CSMD3: variants seen among roughly 807,000 people sequenced by gnomAD.
CSMD3 encodes CUB and sushi domain-containing protein 3.
A neutral mutation model predicts 435.2 loss-of-function variants in CSMD3; 177 were observed. The observed-to-expected ratio is 0.41, with a 90% CI of 0.36 to 0.46. The LOEUF (loss-of-function observed/expected upper bound fraction) is 0.46. CSMD3 is among the 20% of genes least tolerant of loss of function. CSMD3 has a pLI of 0.34. For missense variants in CSMD3, 4,265 were observed against 4,504.6 expected, an observed-to-expected ratio of 0.95 and a Z score of 1.52; for synonymous variants, 1,656 against 1,520.5, an observed-to-expected ratio of 1.09 and a Z score of -2.07.
intron 5 of CSMD3, among the ~76,000 whole-genome samples, chr8:113,083,806 A>G (rs1270088077): frequency 3.3e-5 from 5 of 152,082 alleles, no homozygotes; most frequent in African/African-American, 1.2e-4. Flanking sequence ...CTCTGTCTCT[A>G]TAAAACATTT....
chr8:112,552,783 A>G lies in CSMD3; in HGVS notation c.4235-63T>C. The stretch of plus-strand genomic sequence containing the variant: ...TGCCAATCTTTTCAAAACAATCTAC[A>G]AATTTCTCATGAGTAGACAAAAGAA... On this transcript the variant is annotated intron_variant, in intron 25 of 70. Coordinates refer to ENST00000297405, the MANE Select transcript of CSMD3 (RefSeq NM_198123.2). The G allele has an allele frequency of 3.4e-6, 5 of 1,481,316 alleles. No individual in the cohort carries two copies. In the South Asian group the frequency reaches 4.6e-5, roughly 13 times the overall value. 91.8% of individuals were successfully genotyped at this position (1,481,316 alleles called of 1,614,324 possible).
At position 112,503,980 on chromosome 8, in the gene CSMD3, G is replaced by GA. The variant is rs569881974; in HGVS notation, c.4896-4dup. The GA allele has an allele frequency of 1.2e-3, 1,675 of 1,420,718 alleles. No individual in the cohort carries two copies. The highest frequency in any genetic ancestry group is 3.1e-3 in the East Asian group (127 of 41,290). 88.0% of individuals were successfully genotyped at this position (1,420,718 alleles called of 1,614,324 possible). A position where few individuals can be genotyped will look rare whatever the true frequency, so the allele number is the denominator to read the frequency against. ...CATAGTTTGGTTCTATGCTAAAACT[G>GA]AAAAAAAAAAGGAAAGAACAAAAGA... On this transcript the variant is annotated splice_polypyrimidine_tract_variant and splice_region_variant and intron_variant, in intron 29 of 70. Coordinates refer to ENST00000297405, the MANE Select transcript of CSMD3 (RefSeq NM_198123.2).
intron 1 of CSMD3, among the ~76,000 whole-genome samples, chr8:113,391,520 T>C (rs1322808193): frequency 3.9e-5 from 6 of 151,962 alleles, no homozygotes; most frequent in African/African-American, 1.4e-4. Context: ...CATTAAGAAA[T>C]TATGGAAAGT....
At chr8:112,557,836 T>A (rs929588247) in intron 24 of CSMD3, among the ~76,000 whole-genome samples, 1 of 151,966 alleles carries the variant, frequency 6.6e-6, no homozygotes, top group Non-Finnish European at 1.5e-5. Flanking sequence ...TTTGTGAGCA[T>A]TCTAGCAAAT....
intron 31 of CSMD3, among the ~76,000 whole-genome samples, chr8:112,488,984 T>A (rs988541488): frequency 1.3e-5 from 2 of 152,188 alleles, no homozygotes; most frequent in South Asian, 2.1e-4. Context: ...GCTACTTTTT[T>A]ATTATTTTCT....
At chr8:112,870,096 T>C (rs1399066644) in intron 10 of CSMD3, among the ~76,000 whole-genome samples, 1 of 152,140 alleles carries the variant, frequency 6.6e-6, no homozygotes, top group Non-Finnish European at 1.5e-5. Flanking sequence ...TTTTCAATTA[T>C]TTATTTATAA....
intron 10 of CSMD3, among the ~76,000 whole-genome samples, chr8:112,883,520 A>C (rs1331758951): frequency 6.6e-6 from 1 of 151,974 alleles, no homozygotes; most frequent in African/African-American, 2.4e-5. Context: ...CCAACTTATT[A>C]ATTTTATTCT....
chr8:113,007,892 T>C (rs557820896), intron 6 of CSMD3, among the ~76,000 whole-genome samples: 2 of 152,034 alleles, frequency 1.3e-5, no homozygotes, highest in South Asian at 4.1e-4. Flanking sequence ...TATAATGGAA[T>C]GTATAAAATT....
intron 58 of CSMD3, among the ~76,000 whole-genome samples, chr8:112,284,993 A>G (rs1236115349): frequency 6.6e-6 from 1 of 151,886 alleles, no homozygotes; most frequent in Non-Finnish European, 1.5e-5. Flanking sequence ...AATTTTTTCT[A>G]TAGGTTACAG....
chr8:112,476,291 C>G (rs572427534), intron 31 of CSMD3, among the ~76,000 whole-genome samples: 1 of 152,170 alleles, frequency 6.6e-6, no homozygotes, highest in Non-Finnish European at 1.5e-5. Context: ...GGTTACCCAT[C>G]TGCCTTGGCC....
rs374106089 is a variant in CSMD3, at chr8:113,217,353, T to C, written c.515-43437A>G. 9.2e-5 allele frequency among the ~76,000 whole-genome samples: 14 copies of C among 151,388 alleles called. No individual in the cohort carries two copies. In the East Asian group the frequency reaches 1.6e-3, roughly 17 times the overall value. On this transcript the variant is annotated intron_variant, in intron 3 of 70. Coordinates refer to ENST00000297405, the MANE Select transcript of CSMD3 (RefSeq NM_198123.2). ...CAAAGAAGCAGAAAAATGTGACCCG[T>C]GATCAGACAAAATAGGATTCAACAG...
intron 5 of CSMD3, among the ~76,000 whole-genome samples, chr8:113,061,466 A>G (rs1338383762): frequency 6.6e-6 from 1 of 152,136 alleles, no homozygotes; most frequent in African/African-American, 2.4e-5. Context: ...TGAGTAAAGG[A>G]AAGGCATTAT....
chr8:113,237,528 G>A (rs141334802), intron 3 of CSMD3, among the ~76,000 whole-genome samples: 146 of 152,290 alleles, frequency 9.6e-4, no homozygotes, highest in African/African-American at 3.4e-3. Flanking sequence ...AATGGCGGAT[G>A]TATTGCCATG....
chr8:113,238,385 T>C (rs1390306994), intron 3 of CSMD3, among the ~76,000 whole-genome samples: 1 of 152,114 alleles, frequency 6.6e-6, no homozygotes, highest in East Asian at 1.9e-4. Context: ...GACAAAATTA[T>C]ATTGGGGTTA....
intron 1 of CSMD3, among the ~76,000 whole-genome samples, chr8:113,342,731 A>G (rs931624487): frequency 3.9e-5 from 6 of 152,130 alleles, no homozygotes; most frequent in African/African-American, 1.4e-4. Flanking sequence ...CTTTCCATAG[A>G]TCTCACTCAC....
At chr8:112,774,028 C>A (rs1189374935) in intron 13 of CSMD3, among the ~76,000 whole-genome samples, 1 of 151,980 alleles carries the variant, frequency 6.6e-6, no homozygotes, top group Admixed American at 6.6e-5. Flanking sequence ...TTTAAGCACA[C>A]CTTGTTTCTT....
intron 16 of CSMD3, among the ~76,000 whole-genome samples, chr8:112,669,925 C>T (rs139064285): frequency 1.3e-5 from 2 of 152,094 alleles, no homozygotes; most frequent in Non-Finnish European, 2.9e-5. Context: ...AGGATTTGAA[C>T]AAAGGCAGTT....
At chr8:112,661,265 A>C (rs2075373641) in intron 17 of CSMD3, among the ~76,000 whole-genome samples, 2 of 152,194 alleles carry the variant, frequency 1.3e-5, no homozygotes, top group Non-Finnish European at 2.9e-5. Context: ...ATTTCACCAG[A>C]AAGTCAGGTT....
intron 1 of CSMD3, among the ~76,000 whole-genome samples, chr8:113,401,287 A>T (rs2094508978): frequency 6.6e-6 from 1 of 151,758 alleles, no homozygotes; most frequent in South Asian, 2.1e-4. Flanking sequence ...GGTTGAGCAG[A>T]TTCCAAGAGA....
Sources: gnomAD v4.1 joint callset for allele counts (sites outside exome capture counted in the v4.1 genomes callset) on GRCh38, gnomAD v4.1.1 for gene constraint, MANE v1.5 for transcripts, NCBI Gene and HGNC (gene_info 2026-07-23, HGNC 2026-07-21) for gene names.